MDFIC: variants seen among roughly 807,000 people sequenced by gnomAD.
MDFIC encodes MyoD family inhibitor domain containing.
MDFIC carries 17 observed loss-of-function variants against 23.2 expected under a neutral mutation model. The ratio of observed to expected loss-of-function variants is 0.73; its 90% CI spans 0.50 to 1.10. The LOEUF (loss-of-function observed/expected upper bound fraction) is 1.10. Among genes scored for constraint, MDFIC ranks in the 50% least tolerant of loss-of-function variants. The probability of loss-of-function intolerance (pLI) is 0.00; values close to 1 mark genes in which losing one functional copy is unlikely to be tolerated. For synonymous variants in MDFIC, 120 were observed against 115.2 expected (o/e 1.04, Z -0.27); for missense variants, 356 against 316.6 (o/e 1.12, Z -0.95).
chr7:114,950,183 A>C (rs1456547606), intron 3 of MDFIC, among the ~76,000 whole-genome samples: 2 of 152,176 alleles, frequency 1.3e-5, no homozygotes, highest in Non-Finnish European at 2.9e-5. Flanking sequence ...GCATTAAGAG[A>C]TCAACTGGAA....
rs557651045 is a variant in MDFIC, at chr7:114,984,350, G to A, written c.493+4569G>A. On this transcript the variant is annotated intron_variant, in intron 4 of 4. Coordinates refer to ENST00000393486, the MANE Select transcript of MDFIC (RefSeq NM_001166345.3). ...TCAATTTTTTTTTTATTGTACAGTG[G>A]TGCCCAACATAAAAAAGTTTCTCAT... Among the ~76,000 whole-genome samples the A allele has an allele frequency of 5.9e-5, 9 of 151,792 alleles. No individual in the cohort carries two copies. In the East Asian group the frequency reaches 1.6e-3, roughly 26 times the overall value.
chr7:114,929,783 G>A (rs186603016), intron 2 of MDFIC, among the ~76,000 whole-genome samples: 23 of 152,196 alleles, frequency 1.5e-4, no homozygotes, highest in Admixed American at 9.8e-4. Context: ...GAAGAAAGCC[G>A]GAAGTTAGAG....
intron 2 of MDFIC, among the ~76,000 whole-genome samples, chr7:114,936,610 G>C (rs1011124056): frequency 3.9e-5 from 6 of 152,110 alleles, no homozygotes; most frequent in Admixed American, 3.9e-4. Flanking sequence ...AATAAAAGTT[G>C]TTCCCTTGTG....
chr7:114,998,486 G>A (rs1461211896), intron 4 of MDFIC, among the ~76,000 whole-genome samples: 1 of 152,144 alleles, frequency 6.6e-6, no homozygotes, highest in Non-Finnish European at 1.5e-5. Flanking sequence ...ATACTGATGT[G>A]TAATACATGC....
At chr7:114,961,689 A>C (rs1039914977) in intron 3 of MDFIC, among the ~76,000 whole-genome samples, 10 of 152,192 alleles carry the variant, frequency 6.6e-5, no homozygotes, top group Non-Finnish European at 1.3e-4. Flanking sequence ...ACATAATTAC[A>C]TGGCCAGAGC....
chr7:114,960,483 TA>T (rs1173247371), intron 3 of MDFIC, among the ~76,000 whole-genome samples: 1 of 151,974 alleles, frequency 6.6e-6, no homozygotes, highest in African/African-American at 2.4e-5. Context: ...AATATAGTCT[TA>T]AAAAACCCCG....
chr7:114,930,492 G>A (rs1012696683), intron 2 of MDFIC, among the ~76,000 whole-genome samples: 2 of 152,142 alleles, frequency 1.3e-5, no homozygotes, highest in African/African-American at 2.4e-5. Flanking sequence ...TCACATATGA[G>A]GATTTAATAT....
At chr7:114,993,551 T>C (rs1399157564) in intron 4 of MDFIC, among the ~76,000 whole-genome samples, 1 of 152,232 alleles carries the variant, frequency 6.6e-6, no homozygotes, top group Admixed American at 6.5e-5. Context: ...GTATGTTGTG[T>C]CTTTGTTCTC....
intron 3 of MDFIC, among the ~76,000 whole-genome samples, chr7:114,945,531 G>C (rs1190493983): frequency 6.6e-6 from 1 of 152,068 alleles, no homozygotes; most frequent in South Asian, 2.1e-4. Flanking sequence ...GGTTTTTCAG[G>C]GTGCGGATTT....
chr7:115,010,700 G>A, intron 4 of MDFIC, among the ~76,000 whole-genome samples: 1 of 152,074 alleles, frequency 6.6e-6, no homozygotes, highest in East Asian at 1.9e-4. Flanking sequence ...TCTCCATTTT[G>A]TAAGTTTTAA....
At chr7:114,928,443 G>T (rs1563134430) in intron 2 of MDFIC, among the ~76,000 whole-genome samples, 1 of 152,168 alleles carries the variant, frequency 6.6e-6, no homozygotes, top group Non-Finnish European at 1.5e-5. Flanking sequence ...CTCTAGTAGG[G>T]GATTTGGAAA....
intron 4 of MDFIC, among the ~76,000 whole-genome samples, chr7:114,981,823 G>T (rs1208211651): frequency 6.6e-6 from 1 of 152,090 alleles, no homozygotes; most frequent in Non-Finnish European, 1.5e-5. Flanking sequence ...AGTATTTAAG[G>T]TTGTGCCCTA....
intron 2 of MDFIC, chr7:114,923,772 C>A: frequency 4.0e-6 from 3 of 750,326 alleles, no homozygotes; most frequent in Non-Finnish European, 5.6e-6. Context: ...ACGAGTTGAA[C>A]CTTTCTTCTC....
intron 3 of MDFIC, among the ~76,000 whole-genome samples, chr7:114,949,918 G>A (rs1311680171): frequency 6.6e-6 from 1 of 152,188 alleles, no homozygotes; most frequent in Non-Finnish European, 1.5e-5. Context: ...CCAAAGCACA[G>A]CACACCTACA....
At chr7:114,941,814 T>C (rs1470355682) in intron 2 of MDFIC, among the ~76,000 whole-genome samples, 1 of 152,214 alleles carries the variant, frequency 6.6e-6, no homozygotes, top group Non-Finnish European at 1.5e-5. Context: ...GAGAGAATGC[T>C]GTACTTGTTT....
At chr7:114,966,709 C>G (rs1026622130) in intron 3 of MDFIC, among the ~76,000 whole-genome samples, 1 of 152,126 alleles carries the variant, frequency 6.6e-6, no homozygotes, top group South Asian at 2.1e-4. Flanking sequence ...AGTTTAAAAT[C>G]TGGTTGTATA....
chr7:114,993,998 G>T (rs533427236), intron 4 of MDFIC, among the ~76,000 whole-genome samples: 3 of 152,198 alleles, frequency 2.0e-5, no homozygotes, highest in South Asian at 4.1e-4. Context: ...CTCTTTGTAG[G>T]TCTCTAAGGA....
intron 3 of MDFIC, among the ~76,000 whole-genome samples, chr7:114,946,697 T>C (rs954076416): frequency 6.6e-6 from 1 of 152,158 alleles, no homozygotes; most frequent in Admixed American, 6.5e-5. Flanking sequence ...AGTAAGCACT[T>C]AATTGGCAGT....
intron 3 of MDFIC, among the ~76,000 whole-genome samples, chr7:114,960,702 G>A (rs1430891761): frequency 6.6e-6 from 1 of 152,084 alleles, no homozygotes; most frequent in Non-Finnish European, 1.5e-5. Context: ...TGGAGTTTTT[G>A]TTTGCCTCTT....
Sources: allele counts gnomAD v4.1 joint callset (sites outside exome capture counted in the v4.1 genomes callset), GRCh38; gene constraint gnomAD v4.1.1; transcripts MANE v1.5; gene names NCBI Gene and HGNC (gene_info 2026-07-23, HGNC 2026-07-21).